Variants in GNG4 observed in about 807,000 individuals in gnomAD.
GNG4 encodes guanine nucleotide-binding protein G(I)/G(S)/G(O) subunit gamma-4.
GNG4 carries 4 observed loss-of-function variants against 5.8 expected under a neutral mutation model. The observed-to-expected ratio is 0.69, with a 90% CI of 0.34 to 1.57. The LOEUF is 1.57. Ranked by LOEUF, GNG4 falls within the 40% of genes most tolerant of loss-of-function variation. The pLI, the probability that GNG4 is intolerant of heterozygous loss-of-function variation, is 0.06. For synonymous variants in GNG4, 29 were observed against 32.9 expected (o/e 0.88, Z 0.41); for missense variants, 96 against 95.1 (o/e 1.01, Z -0.04).
chr1:235,588,490 G>A (rs1271589553), intron 2 of GNG4, among the ~76,000 whole-genome samples: 1 of 152,154 alleles, frequency 6.6e-6, no homozygotes, highest in Non-Finnish European at 1.5e-5. Flanking sequence ...CCCAAGAGCC[G>A]TCTGCTTCTC....
At chr1:235,563,832 T>C (rs886230811) in intron 3 of GNG4, among the ~76,000 whole-genome samples, 2 of 152,152 alleles carry the variant, frequency 1.3e-5, no homozygotes, top group African/African-American at 2.4e-5. Flanking sequence ...CTCAGAGTGA[T>C]AGTGGTATAA....
At chr1:235,577,062 C>T (rs1687500166) in intron 3 of GNG4, among the ~76,000 whole-genome samples, 1 of 152,182 alleles carries the variant, frequency 6.6e-6, no homozygotes, top group African/African-American at 2.4e-5. Flanking sequence ...ACAGATGTCC[C>T]CTTATTTTCC....
intron 3 of GNG4, among the ~76,000 whole-genome samples, chr1:235,567,953 C>T (rs147803698): frequency 1.3e-4 from 20 of 152,176 alleles, no homozygotes; most frequent in African/African-American, 4.1e-4. Flanking sequence ...TTCTGAGAGA[C>T]GGCTAACCAC....
intron 1 of GNG4, among the ~76,000 whole-genome samples, chr1:235,641,563 C>A (rs539556851): frequency 6.6e-6 from 1 of 152,090 alleles, no homozygotes; most frequent in Non-Finnish European, 1.5e-5. Context: ...TGGTGGCGGG[C>A]GCCTGTAATC....
At chr1:235,603,421 T>C (rs1050058345) in intron 1 of GNG4, among the ~76,000 whole-genome samples, 5 of 152,122 alleles carry the variant, frequency 3.3e-5, no homozygotes, top group African/African-American at 1.2e-4. Flanking sequence ...CTGCTGTTTC[T>C]CAGTCATCCT....
rs185430639 is a variant in GNG4, at chr1:235,577,496, A to G, written c.99+6244T>C. ...TGCTCTGTCACCCAGGCTGGAGTGCAATGGTGCAATCTCAGCTCACTGCAA... is the reference window on the plus strand; with the variant it reads ...TGCTCTGTCACCCAGGCTGGAGTGCGATGGTGCAATCTCAGCTCACTGCAA... On this transcript the variant is annotated intron_variant, in intron 3 of 3. Transcript: ENST00000391854. 3.9e-5 allele frequency among the ~76,000 whole-genome samples: 6 copies of G among 151,928 alleles called. No homozygotes were observed. In the East Asian group the frequency reaches 1.2e-3, roughly 29 times the overall value.
intron 1 of GNG4, among the ~76,000 whole-genome samples, chr1:235,606,492 G>A (rs1008598878): frequency 6.6e-6 from 1 of 152,198 alleles, no homozygotes; most frequent in Non-Finnish European, 1.5e-5. Flanking sequence ...AGAGCCAGGG[G>A]ATGTGGTTAG....
chr1:235,607,305 A>G (rs74148723), intron 1 of GNG4, among the ~76,000 whole-genome samples: 2,035 of 151,656 alleles, frequency 0.013, 56 homozygotes, highest in African/African-American at 0.046. Flanking sequence ...GAGGTAAAAG[A>G]TTACTTAGTG....
intron 1 of GNG4, among the ~76,000 whole-genome samples, chr1:235,612,870 T>C (rs1360339106): frequency 6.6e-6 from 1 of 152,076 alleles, no homozygotes; most frequent in African/African-American, 2.4e-5. Flanking sequence ...TCCCTGAGCT[T>C]AGAAATTCAG....
At position 235,644,090 on chromosome 1, in the gene GNG4, G is replaced by A. The variant is rs1402604422; in HGVS notation, c.-123+5572C>T. On this transcript the variant is annotated intron_variant, in intron 1 of 3. Coordinates refer to ENST00000391854, the MANE Select transcript of GNG4 (RefSeq NM_001098722.2). This position sits in a 1 kb window ranked among gnomAD's most constrained non-coding sequence, Gnocchi z 5.9. ...AAGTGGAGGGGAATGGCAGTGAAAC[G>A]CCAAACTCCTACTGAAAGGTTGATG... is the stretch of plus-strand genomic sequence containing the variant. Among the ~76,000 whole-genome samples, 5 of 152,150 alleles carry A rather than the reference G, an allele frequency of 3.3e-5. No individual in the cohort carries two copies. The highest frequency in any genetic ancestry group is 1.9e-4 in the East Asian group (1 of 5,186).
At chr1:235,581,045 T>A (rs895234825) in intron 3 of GNG4, among the ~76,000 whole-genome samples, 1 of 152,046 alleles carries the variant, frequency 6.6e-6, no homozygotes, top group Non-Finnish European at 1.5e-5. Context: ...AGCCACCACA[T>A]CTGGCCTGCC....
At chr1:235,620,570 C>G (rs1219221450) in intron 1 of GNG4, among the ~76,000 whole-genome samples, 1 of 152,064 alleles carries the variant, frequency 6.6e-6, no homozygotes, top group Non-Finnish European at 1.5e-5. Flanking sequence ...GAGTCTCGCT[C>G]TATTGCCCAG....
chr1:235,609,464 T>C (rs1254392442), intron 1 of GNG4, among the ~76,000 whole-genome samples: 1 of 152,166 alleles, frequency 6.6e-6, no homozygotes, highest in Non-Finnish European at 1.5e-5. Flanking sequence ...TACCCTCTCT[T>C]GGTTGTGATT....
chr1:235,555,959 C>A (rs1174615832), intron 3 of GNG4, among the ~76,000 whole-genome samples: 1 of 151,950 alleles, frequency 6.6e-6, no homozygotes, highest in African/African-American at 2.4e-5. Context: ...CCTCTGCCTC[C>A]TGGTTTCAAA....
intron 2 of GNG4, among the ~76,000 whole-genome samples, chr1:235,594,851 G>A (rs1688084111): frequency 6.6e-6 from 1 of 152,222 alleles, no homozygotes; most frequent in African/African-American, 2.4e-5. Flanking sequence ...GAGGGCTGAA[G>A]GGCTCCTCAA....
chr1:235,610,372 A>C (rs1476913474), intron 1 of GNG4, among the ~76,000 whole-genome samples: 1 of 152,218 alleles, frequency 6.6e-6, no homozygotes, highest in East Asian at 1.9e-4. Context: ...CACGTGATTA[A>C]GGTGGTGTCT....
chr1:235,607,588 C>T (rs556984371), intron 1 of GNG4, among the ~76,000 whole-genome samples: 1 of 152,362 alleles, frequency 6.6e-6, no homozygotes, highest in African/African-American at 2.4e-5. Context: ...AGTAGAAAAC[C>T]ACCAGTGTGA....
At chr1:235,623,028 A>T (rs896760974) in intron 1 of GNG4, among the ~76,000 whole-genome samples, 2 of 151,956 alleles carry the variant, frequency 1.3e-5, no homozygotes, top group Admixed American at 6.6e-5. Flanking sequence ...CAACAGAGCG[A>T]GCCTCTGTTT....
intron 1 of GNG4, among the ~76,000 whole-genome samples, chr1:235,647,362 G>A (rs1657537626): frequency 6.6e-6 from 1 of 151,928 alleles, no homozygotes; most frequent in Admixed American, 6.6e-5. Context: ...ACGAAGAAAG[G>A]GGCAATCTTC....
Sources: allele counts gnomAD v4.1 joint callset (sites outside exome capture counted in the v4.1 genomes callset), GRCh38; gene constraint gnomAD v4.1.1; non-coding constraint Gnocchi (gnomAD v3.1); transcripts MANE v1.5; gene names NCBI Gene and HGNC (gene_info 2026-07-23, HGNC 2026-07-21).